Variants in ASIC2 observed in about 807,000 individuals in gnomAD.
ASIC2 encodes the protein acid-sensing ion channel 2.
In ASIC2, 25 loss-of-function variants were observed where a neutral mutation model predicts 57.3. The ratio of observed to expected loss-of-function variants is 0.44; its 90% CI spans 0.32 to 0.61. The LOEUF (loss-of-function observed/expected upper bound fraction) is 0.61, where lower values mean the gene tolerates loss of function less well. Among genes scored for constraint, ASIC2 ranks in the 20% least tolerant of loss-of-function variants. ASIC2 has a pLI of 0.06. For missense variants in ASIC2, 641 were observed against 738.1 expected (o/e 0.87, Z 1.52); for synonymous variants, 319 against 307.5 (o/e 1.04, Z -0.39).
intron 1 of ASIC2, among the ~76,000 whole-genome samples, chr17:33,761,943 G>C (rs1223386204): frequency 6.6e-6 from 1 of 151,906 alleles, no homozygotes; most frequent in Non-Finnish European, 1.5e-5. Flanking sequence ...CAGGGGGTAG[G>C]GATGGAACTG....
chr17:33,746,008 AAT>A (rs1448470623), intron 1 of ASIC2, among the ~76,000 whole-genome samples: 2 of 152,122 alleles, frequency 1.3e-5, no homozygotes, highest in African/African-American at 4.8e-5. Flanking sequence ...ACAGAAATAT[AAT>A]ATATTTAACA....
intron 1 of ASIC2, among the ~76,000 whole-genome samples, chr17:33,975,610 A>G (rs1905358094): frequency 6.6e-6 from 1 of 152,152 alleles, no homozygotes; most frequent in African/African-American, 2.4e-5. Flanking sequence ...CATAAATAGT[A>G]AAGAGAGTTC....
intron 2 of ASIC2, among the ~76,000 whole-genome samples, chr17:33,089,892 G>C (rs1188828948): frequency 1.3e-5 from 2 of 152,196 alleles, no homozygotes; most frequent in Middle Eastern, 3.2e-3. Context: ...CATCCTAAAT[G>C]TTTAGTGCTC....
At chr17:33,391,092 C>T (rs59090460) in intron 1 of ASIC2, among the ~76,000 whole-genome samples, 1 of 152,182 alleles carries the variant, frequency 6.6e-6, no homozygotes, top group Non-Finnish European at 1.5e-5. Flanking sequence ...AACAATGTCC[C>T]AGATTCTGAT....
intron 3 of ASIC2, 130 bp from the exon 4 acceptor site, chr17:33,028,522 G>A: frequency 8.7e-7 from 1 of 1,146,824 alleles, no homozygotes; most frequent in Non-Finnish European, 1.2e-6. Flanking sequence ...TCAACATCTG[G>A]CTCCAATACT....
At chr17:33,415,845 T>C (rs1214371592) in intron 1 of ASIC2, among the ~76,000 whole-genome samples, 1 of 152,226 alleles carries the variant, frequency 6.6e-6, no homozygotes, top group Non-Finnish European at 1.5e-5. Context: ...TGAGAATTGA[T>C]TGAAAAACCC....
chr17:33,997,863 GGTAT>G (rs1906211936), intron 1 of ASIC2, among the ~76,000 whole-genome samples: 2 of 151,832 alleles, frequency 1.3e-5, no homozygotes, highest in South Asian at 4.2e-4. Context: ...GTTTGGCTTT[GGTAT>G]CTGGGTAATG....
intron 1 of ASIC2, among the ~76,000 whole-genome samples, chr17:33,158,005 A>G (rs1299212723): frequency 6.6e-6 from 1 of 152,110 alleles, no homozygotes; most frequent in Non-Finnish European, 1.5e-5. Context: ...CAGCATTGAC[A>G]TGGCTTTCTG....
rs146912633 is a variant in ASIC2, at chr17:33,124,433, C to T, written c.709-12366G>A. ...CAGACATAATTGATTGATCACAATG[C>T]TCTTTCCCTCTGGGACTCACAATTG... is the stretch of plus-strand genomic sequence containing the variant. On this transcript the variant is annotated intron_variant, in intron 1 of 9. Transcript: ENST00000225823. Among the ~76,000 whole-genome samples the T allele has an allele frequency of 2.5e-3, 383 of 152,360 alleles. 1 individual carries two copies. The highest frequency in any genetic ancestry group is 0.014 in the Middle Eastern group (4 of 294).
chr17:33,063,768 T>C (rs1280369098), intron 3 of ASIC2, among the ~76,000 whole-genome samples: 1 of 152,234 alleles, frequency 6.6e-6, no homozygotes, highest in Non-Finnish European at 1.5e-5. Flanking sequence ...CCAATTTGGT[T>C]CCATTCTCCC....
chr17:34,023,419 T>A (rs1907259411), intron 1 of ASIC2, among the ~76,000 whole-genome samples: 1 of 151,772 alleles, frequency 6.6e-6, no homozygotes, highest in Non-Finnish European at 1.5e-5. Flanking sequence ...CAGATTTTGA[T>A]TCTGAACTGC....
At chr17:33,818,201 A>G (rs1237442309) in intron 1 of ASIC2, among the ~76,000 whole-genome samples, 2 of 152,190 alleles carry the variant, frequency 1.3e-5, no homozygotes, top group Non-Finnish European at 2.9e-5. Flanking sequence ...AGGGAAAAAC[A>G]TTGTTGCAGC....
intron 1 of ASIC2, among the ~76,000 whole-genome samples, chr17:33,856,805 C>T (rs1913968436): frequency 6.6e-6 from 1 of 152,022 alleles, no homozygotes; most frequent in Non-Finnish European, 1.5e-5. Context: ...AGTTCAGGGA[C>T]CTGTAAGCAG....
At chr17:33,105,895 A>G (rs1391946827) in intron 2 of ASIC2, among the ~76,000 whole-genome samples, 1 of 152,212 alleles carries the variant, frequency 6.6e-6, no homozygotes, top group East Asian at 1.9e-4. Flanking sequence ...GATCTGTGGA[A>G]CTTTGAACTT....
chr17:33,690,130 C>T (rs568349219), intron 1 of ASIC2, among the ~76,000 whole-genome samples: 1 of 152,312 alleles, frequency 6.6e-6, no homozygotes, highest in African/African-American at 2.4e-5. Flanking sequence ...CATTGTTCTG[C>T]ACCTTGCTTT....
intron 1 of ASIC2, among the ~76,000 whole-genome samples, chr17:33,123,565 T>A (rs995627329): frequency 1.3e-5 from 2 of 152,232 alleles, no homozygotes; most frequent in African/African-American, 4.8e-5. Context: ...ATGCTGAATT[T>A]ACGGGAATAC....
chr17:33,702,135 G>A (rs1255826975), intron 1 of ASIC2, among the ~76,000 whole-genome samples: 1 of 152,178 alleles, frequency 6.6e-6, no homozygotes, highest in African/African-American at 2.4e-5. Flanking sequence ...AGGATGATGT[G>A]AGTTTGTGTC....
At chr17:33,495,359 G>T (rs1159803288) in intron 1 of ASIC2, among the ~76,000 whole-genome samples, 1 of 152,146 alleles carries the variant, frequency 6.6e-6, no homozygotes, top group Non-Finnish European at 1.5e-5. Flanking sequence ...ATTCGTCCTG[G>T]TCCTGGGCAA....
intron 1 of ASIC2, among the ~76,000 whole-genome samples, chr17:33,230,498 G>A (rs1908047969): frequency 6.6e-6 from 1 of 152,244 alleles, no homozygotes. Flanking sequence ...CAAGTGGTGT[G>A]AAGGTACAGA....
Sources: gnomAD v4.1 joint callset for allele counts (sites outside exome capture counted in the v4.1 genomes callset) on GRCh38, gnomAD v4.1.1 for gene constraint, MANE v1.5 for transcripts, NCBI Gene and HGNC (gene_info 2026-07-23, HGNC 2026-07-21) for gene names.